RFX3: variants seen among roughly 807,000 people sequenced by gnomAD.
The protein encoded by RFX3 is transcription factor RFX3.
In RFX3, 14 loss-of-function variants were observed where a neutral mutation model predicts 98.6. The ratio of observed to expected loss-of-function variants is 0.14; its 90% CI spans 0.09 to 0.22. The LOEUF (loss-of-function observed/expected upper bound fraction) is 0.22. Ranked by LOEUF, RFX3 falls within the 10% of genes least tolerant of loss-of-function variation. The pLI is 1.00. For missense variants in RFX3, 639 were observed against 926.9 expected (o/e 0.69, Z 4.03); for synonymous variants, 383 against 328.4 (o/e 1.17, Z -1.80).
intron 1 of RFX3, among the ~76,000 whole-genome samples, chr9:3,431,398 G>A (rs7031736): frequency 1.9e-3 from 294 of 152,264 alleles, no homozygotes; most frequent in African/African-American, 6.6e-3. Flanking sequence ...GTCTGCGGCT[G>A]AGGTTGCCCA....
chr9:3,442,304 C>A (rs369886912), intron 1 of RFX3, among the ~76,000 whole-genome samples: 1 of 151,910 alleles, frequency 6.6e-6, no homozygotes, highest in East Asian at 1.9e-4. Context: ...TATATTGATA[C>A]CATATGATGT....
At chr9:3,509,790 T>C (rs1817482729) in intron 1 of RFX3, among the ~76,000 whole-genome samples, 1 of 143,798 alleles carries the variant, frequency 7.0e-6, no homozygotes, top group Non-Finnish European at 1.5e-5. Context: ...TACATTTGAG[T>C]TCTTTGCCTT....
In RFX3 at chr9:3,275,581, T is replaced by A; in HGVS notation, c.1005A>T (p.Glu335Asp). The change falls in exon 9 of 17, where the codon GAA becomes GAT. Residue 335 changes from glutamate to aspartate, a missense_variant. Physicochemically the swap from Glu to Asp is conservative, Grantham distance 45. Around this residue, in one of 9 missense-constraint regions of RFX3, gnomAD observed 86 missense variants for 113.2 expected, o/e 0.76. Coordinates refer to ENST00000617270, the MANE Select transcript of RFX3 (RefSeq NM_001282116.2). ...DASRALPEFG[E>D]VEISSLPDGT... is the part of the protein sequence containing the mutation. Reference sequence around the variant, plus strand: ...CATCTGGCAGAGAAGAGATTTCAACTTCTCCAAACTCTGGAAGTGCTCGAG... The same window carrying A: ...CATCTGGCAGAGAAGAGATTTCAACATCTCCAAACTCTGGAAGTGCTCGAG... The A allele has an allele frequency of 6.2e-7, 1 of 1,612,264 alleles. No homozygotes were observed. The highest frequency in any genetic ancestry group is 8.5e-7 in the Non-Finnish European group (1 of 1,178,606).
chr9:3,239,552 G>C (rs1399883849), intron 15 of RFX3, among the ~76,000 whole-genome samples: 3 of 152,226 alleles, frequency 2.0e-5, no homozygotes, highest in Non-Finnish European at 4.4e-5. Context: ...ATAGCAACAG[G>C]TGTACCTAAT....
At chr9:3,244,879 T>G (rs566001969) in intron 15 of RFX3, among the ~76,000 whole-genome samples, 2 of 152,344 alleles carry the variant, frequency 1.3e-5, no homozygotes, top group East Asian at 3.9e-4. Context: ...AATCCATTTT[T>G]TTCATCATTA....
chr9:3,259,516 A>AT (rs1283463358), intron 13 of RFX3, among the ~76,000 whole-genome samples: 1 of 151,420 alleles, frequency 6.6e-6, no homozygotes, highest in Non-Finnish European at 1.5e-5. Flanking sequence ...AGAAAAAAAA[A>AT]ATATCCAAAA....
At chr9:3,301,485 A>G in intron 5 of RFX3, 61 bp downstream of exon 5, 1 of 1,128,648 alleles carries the variant, frequency 8.9e-7, no homozygotes. Flanking sequence ...AAGCATTTAG[A>G]GGCAAGCAAC....
intron 1 of RFX3, among the ~76,000 whole-genome samples, chr9:3,500,889 TAAA>T (rs1399368893): frequency 2.6e-5 from 4 of 152,168 alleles, no homozygotes; most frequent in African/African-American, 9.7e-5. Context: ...GATCTGATCT[TAAA>T]GAATCAAAGT....
chr9:3,455,324 T>C (rs1253668703), intron 1 of RFX3, among the ~76,000 whole-genome samples: 1 of 152,168 alleles, frequency 6.6e-6, no homozygotes, highest in Non-Finnish European at 1.5e-5. Flanking sequence ...CCACCCCTTT[T>C]CACCTAGTCA....
chr9:3,332,952 C>G (rs1008891212), intron 3 of RFX3, among the ~76,000 whole-genome samples: 2 of 152,292 alleles, frequency 1.3e-5, no homozygotes, highest in Admixed American at 6.5e-5. Flanking sequence ...CCCTCTATGG[C>G]CACTCCTCAC....
intron 1 of RFX3, among the ~76,000 whole-genome samples, chr9:3,401,912 T>G (rs1437608915): frequency 6.6e-6 from 1 of 152,204 alleles, no homozygotes; most frequent in Admixed American, 6.5e-5. Flanking sequence ...AGATGCTGAA[T>G]GGAACAAGAT....
chr9:3,453,555 C>G (rs1212227920), intron 1 of RFX3: 1 of 152,228 alleles, frequency 6.6e-6, no homozygotes, highest in Non-Finnish European at 1.5e-5. Context: ...ACTAAAAATA[C>G]AAAAATTAGC....
chr9:3,401,913 G>A (rs1841512130), intron 1 of RFX3, among the ~76,000 whole-genome samples: 1 of 152,168 alleles, frequency 6.6e-6, no homozygotes. Context: ...GATGCTGAAT[G>A]GAACAAGATT....
At chr9:3,353,695 A>G (rs778417751) in intron 2 of RFX3, among the ~76,000 whole-genome samples, 2 of 152,066 alleles carry the variant, frequency 1.3e-5, no homozygotes, top group Non-Finnish European at 2.9e-5. Flanking sequence ...AGTGTAACTG[A>G]CTACCCAAAA....
intron 2 of RFX3, among the ~76,000 whole-genome samples, chr9:3,358,466 T>C (rs940698761): frequency 6.6e-6 from 1 of 152,122 alleles, no homozygotes; most frequent in Non-Finnish European, 1.5e-5. Context: ...TCTGGATAGA[T>C]GCTGGCTAAC....
intron 4 of RFX3, among the ~76,000 whole-genome samples, chr9:3,301,951 T>C (rs1216744561): frequency 6.6e-6 from 1 of 151,936 alleles, no homozygotes; most frequent in African/African-American, 2.4e-5. Flanking sequence ...GGATATGGGA[T>C]AGTAACTATT....
intron 1 of RFX3, among the ~76,000 whole-genome samples, chr9:3,477,786 T>A (rs1849400082): frequency 6.6e-6 from 1 of 152,206 alleles, no homozygotes; most frequent in South Asian, 2.1e-4. Flanking sequence ...AATGTCCATG[T>A]TGGCACAACA....
At chr9:3,414,717 T>TGTATATATGA (rs1202820781) in intron 1 of RFX3, among the ~76,000 whole-genome samples, 1 of 133,644 alleles carries the variant, frequency 7.5e-6, no homozygotes, top group East Asian at 2.1e-4. Context: ...TGAGTATATA[T>TGTATATATGA]GTATATATGA....
chr9:3,433,034 A>G (rs765973714), intron 1 of RFX3, among the ~76,000 whole-genome samples: 7 of 152,136 alleles, frequency 4.6e-5, no homozygotes, highest in Non-Finnish European at 5.9e-5. Flanking sequence ...ATACAAAATC[A>G]CTGAATACTC....
Sources: gnomAD v4.1 joint callset for allele counts (sites outside exome capture counted in the v4.1 genomes callset) on GRCh38, gnomAD v4.1.1 for gene constraint, gnomAD v4.1.1 regional missense constraint, MANE v1.5 for transcripts, NCBI Gene and HGNC (gene_info 2026-07-23, HGNC 2026-07-21) for gene names.